Variants in PCDH11X observed in about 807,000 individuals in gnomAD.
PCDH11X encodes the protein protocadherin 11 X-linked.
In PCDH11X, 18 loss-of-function variants were observed where a neutral mutation model predicts 53.3. The observed-to-expected ratio is 0.34, with a 90% confidence interval of 0.23 to 0.50. The LOEUF (loss-of-function observed/expected upper bound fraction) is 0.50, where lower values mean the gene tolerates loss of function less well. Ranked by LOEUF, PCDH11X falls within the 20% of genes least tolerant of loss-of-function variation. PCDH11X has a pLI of 0.98. For synonymous variants in PCDH11X, 279 were observed against 393.3 expected, an observed-to-expected ratio of 0.71 and a Z score of 3.44; for missense variants, 570 against 1,032.4, an observed-to-expected ratio of 0.55 and a Z score of 6.14.
At chrX:92,213,616 G>A (rs1413891125) in intron 7 of PCDH11X, among the ~76,000 whole-genome samples, 2 of 111,683 alleles carry the variant, frequency 1.8e-5, no homozygotes, top group African/African-American at 6.5e-5. Context: ...CTCATGGCAT[G>A]TTAATGAATC....
At position 91,883,074 on chromosome X, in the gene PCDH11X, C is replaced by A. The variant is rs1359588542; in HGVS notation, c.3033+3801C>A. 4.8e-6 allele frequency: 5 copies of A among 1,033,215 alleles called. No homozygotes were observed. In the African/African-American group the frequency reaches 1.0e-4, roughly 21 times the overall value. 85.1% of individuals were successfully genotyped at this position (1,033,215 alleles called of 1,213,427 possible). A position where few individuals can be genotyped will look rare whatever the true frequency, so the allele number is the denominator to read the frequency against. The stretch of plus-strand genomic sequence containing the variant: ...TCCCATTATAAAAGCAAGCAAAAAT[C>A]ATCTTAAAAATGATGTCCTAGTGAA... On this transcript the variant is annotated intron_variant, in intron 6 of 10. Coordinates refer to ENST00000682573, the MANE Select transcript of PCDH11X (RefSeq NM_032968.5).
At chrX:92,575,975 G>C (rs1384720725) in intron 10 of PCDH11X, among the ~76,000 whole-genome samples, 2 of 17,359 alleles carry the variant, frequency 1.2e-4, no homozygotes, top group African/African-American at 6.1e-4. Context: ...ACACACCTGG[G>C]GTGTATATAT....
intron 8 of PCDH11X, among the ~76,000 whole-genome samples, chrX:92,278,707 T>A (rs1411178150): frequency 9.1e-6 from 1 of 109,993 alleles, no homozygotes; most frequent in Non-Finnish European, 1.9e-5. Context: ...ACTTCTTTTG[T>A]GATTCTTCAG....
chrX:91,906,211 T>C (rs1460598378), intron 6 of PCDH11X, among the ~76,000 whole-genome samples: 1 of 112,321 alleles, frequency 8.9e-6, no homozygotes, highest in African/African-American at 3.2e-5. Flanking sequence ...TTTAACCTCA[T>C]GTTAATCAAA....
intron 6 of PCDH11X, among the ~76,000 whole-genome samples, chrX:92,084,343 T>A (rs1388399632): frequency 9.4e-6 from 1 of 106,562 alleles, no homozygotes; most frequent in Non-Finnish European, 1.9e-5. Context: ...AGGTTGGGAG[T>A]TCAAGACCAG....
chrX:92,087,613 G>T (rs1228593275), intron 6 of PCDH11X, among the ~76,000 whole-genome samples: 2 of 111,366 alleles, frequency 1.8e-5, no homozygotes, highest in African/African-American at 6.5e-5. Context: ...GGTGACCATT[G>T]TCTGTGTCCA....
chrX:92,329,050 A>G (rs2069401649), intron 8 of PCDH11X, among the ~76,000 whole-genome samples: 1 of 110,990 alleles, frequency 9.0e-6, no homozygotes, highest in African/African-American at 3.3e-5. Flanking sequence ...ATATTTGGTG[A>G]GTCAAATCCA....
intron 10 of PCDH11X, among the ~76,000 whole-genome samples, chrX:92,517,268 GT>G (rs1291299473): frequency 8.9e-6 from 1 of 111,789 alleles, no homozygotes; most frequent in East Asian, 2.8e-4. Context: ...GAGTGTGTGT[GT>G]GCGTGCATAC....
intron 6 of PCDH11X, among the ~76,000 whole-genome samples, chrX:91,978,206 C>T (rs768564189): frequency 1.8e-5 from 2 of 109,970 alleles, no homozygotes; most frequent in Admixed American, 9.8e-5. Flanking sequence ...CAAGTTATAC[C>T]TAGTCCCGTT....
chrX:92,201,732 G>A (rs1201292668), intron 7 of PCDH11X, among the ~76,000 whole-genome samples: 4 of 112,131 alleles, frequency 3.6e-5, no homozygotes, highest in African/African-American at 1.3e-4. Flanking sequence ...ATGTTTAAGT[G>A]TACTTTTGTA....
At chrX:92,183,953 A>G (rs1462384565) in intron 6 of PCDH11X, among the ~76,000 whole-genome samples, 5 of 92,643 alleles carry the variant, frequency 5.4e-5, no homozygotes, top group Non-Finnish European at 8.5e-5. Flanking sequence ...AAGTTTTTCC[A>G]CAGCACTGGA....
chrX:92,302,408 G>C (rs1050757103), intron 8 of PCDH11X, among the ~76,000 whole-genome samples: 1 of 110,041 alleles, frequency 9.1e-6, no homozygotes, highest in Admixed American at 9.7e-5. Context: ...ATCTTCATTT[G>C]CTAGATGCTC....
rs1239526373 is a variant in PCDH11X at position 92,618,272 on chromosome X, A to G, written c.3376A>G (p.Ile1126Val). ...FIPGLKKAAE[I>V]TVQPTVEEAS... Reference sequence around the variant, plus strand: ...TTTCCTCACCCCAACAGCTGCAGAAATAACTGTTCAACCAACTGTGGAAGA... The same window carrying G: ...TTTCCTCACCCCAACAGCTGCAGAAGTAACTGTTCAACCAACTGTGGAAGA... Residue 1126 changes from isoleucine to valine, a missense_variant, in exon 11 of 11, where the codon ATA (isoleucine) becomes GTA (valine). Around this residue, in one of 6 missense-constraint regions of PCDH11X, gnomAD observed 234 missense variants for 296.1 expected, o/e 0.79. Transcript: ENST00000682573. 8.3e-7 allele frequency: 1 copy of G among 1,202,039 alleles called. No individual in the cohort carries two copies. The highest frequency in any genetic ancestry group is 3.0e-5 in the East Asian group (1 of 33,350).
In PCDH11X at chrX:92,568,160, A is replaced by G. The variant is rs760308577; in HGVS notation, c.3368-50104A>G. On this transcript the variant is annotated intron_variant, in intron 10 of 10. Coordinates refer to ENST00000682573, the MANE Select transcript of PCDH11X (RefSeq NM_032968.5). ...TCATAGGCTGGGCCCAGTGGCTCACACCTGTAATCCCAGCACTTTGGGAGG... is the reference window on the plus strand; with the variant it reads ...TCATAGGCTGGGCCCAGTGGCTCACGCCTGTAATCCCAGCACTTTGGGAGG... Among the ~76,000 whole-genome samples, 8 of 109,943 alleles carry G rather than the reference A, an allele frequency of 7.3e-5. No homozygotes were observed. In the South Asian group the frequency reaches 1.2e-3, roughly 16 times the overall value.
At chrX:92,100,366 C>T (rs1215230053) in intron 6 of PCDH11X, among the ~76,000 whole-genome samples, 1 of 109,517 alleles carries the variant, frequency 9.1e-6, no homozygotes, top group African/African-American at 3.3e-5. Flanking sequence ...AGGGTGGGGC[C>T]GTTTGATAGG....
chrX:92,217,620 C>T (rs1357309478), intron 7 of PCDH11X, among the ~76,000 whole-genome samples: 1 of 100,241 alleles, frequency 1.0e-5, no homozygotes, highest in African/African-American at 3.6e-5. Flanking sequence ...TTTAACACCC[C>T]ACTGTCAACA....
chrX:92,297,816 T>G (rs1448929553), intron 8 of PCDH11X, among the ~76,000 whole-genome samples: 5 of 109,073 alleles, frequency 4.6e-5, no homozygotes, highest in African/African-American at 1.7e-4. Flanking sequence ...CATCTCTAAT[T>G]TCTCTGAGCA....
intron 6 of PCDH11X, among the ~76,000 whole-genome samples, chrX:91,932,597 A>G (rs1312572588): frequency 2.3e-4 from 23 of 99,667 alleles, no homozygotes; most frequent in African/African-American, 8.4e-4. Context: ...GGAGGAAGAG[A>G]GCAGAGAGAA....
At chrX:92,612,617 T>A (rs923258395) in intron 10 of PCDH11X, among the ~76,000 whole-genome samples, 4 of 104,899 alleles carry the variant, frequency 3.8e-5, no homozygotes, top group Admixed American at 1.0e-4. Context: ...GAGTATTCTG[T>A]GCATGTTTAT....
Sources: allele counts gnomAD v4.1 joint callset (sites outside exome capture counted in the v4.1 genomes callset), GRCh38; gene constraint gnomAD v4.1.1; regional missense constraint gnomAD v4.1.1; transcripts MANE v1.5; gene names NCBI Gene and HGNC (gene_info 2026-07-23, HGNC 2026-07-21).